The following RIT2 variants were observed in gnomAD, a reference collection of about 807,000 sequenced individuals.
The protein encoded by RIT2 is GTP-binding protein Rit2.
A neutral mutation model predicts 23.7 loss-of-function variants in RIT2; 24 were observed. The ratio of observed to expected loss-of-function variants is 1.01; its 90% CI spans 0.73 to 1.43. The LOEUF (loss-of-function observed/expected upper bound fraction) is 1.43. Ranked by LOEUF, RIT2 falls within the 40% of genes most tolerant of loss-of-function variation. RIT2 has a pLI of 0.00. For missense variants in RIT2, 236 were observed against 266.9 expected, an observed-to-expected ratio of 0.88 and a Z score of 0.81; for synonymous variants, 107 against 91.1, an observed-to-expected ratio of 1.17 and a Z score of -0.99.
intron 4 of RIT2, among the ~76,000 whole-genome samples, chr18:42,780,083 T>G (rs1413550203): frequency 8.6e-6 from 1 of 116,082 alleles, no homozygotes; most frequent in African/African-American, 3.0e-5. Context: ...TTGCCAAGGT[T>G]AGGGATCATG....
At chr18:43,083,927 T>C (rs761362505) in intron 1 of RIT2, among the ~76,000 whole-genome samples, 1 of 152,064 alleles carries the variant, frequency 6.6e-6, no homozygotes, top group Non-Finnish European at 1.5e-5. Context: ...CAAAAGAAAC[T>C]ATCATCAGAG....
chr18:42,844,188 C>T (rs78491737), intron 4 of RIT2, among the ~76,000 whole-genome samples: 1,910 of 152,254 alleles, frequency 0.013, 45 homozygotes, highest in African/African-American at 0.044. Context: ...ATGGGGGTGC[C>T]TGCAACCCCA....
At chr18:42,778,284 T>A (rs1913722073) in intron 4 of RIT2, among the ~76,000 whole-genome samples, 1 of 152,224 alleles carries the variant, frequency 6.6e-6, no homozygotes, top group African/African-American at 2.4e-5. Context: ...ACAGAAAATG[T>A]GGCAGCTCCA....
intron 1 of RIT2, among the ~76,000 whole-genome samples, chr18:43,036,786 T>C (rs905396571): frequency 6.6e-6 from 1 of 152,176 alleles, no homozygotes; most frequent in Non-Finnish European, 1.5e-5. Flanking sequence ...TAAGTTTCTT[T>C]TGTGTTTTAC....
chr18:42,757,717 T>G (rs1013764768), intron 4 of RIT2, among the ~76,000 whole-genome samples: 5 of 152,208 alleles, frequency 3.3e-5, no homozygotes, highest in East Asian at 1.9e-4. Flanking sequence ...TTCTGCTTAT[T>G]ATCAGCCAGT....
chr18:42,935,978 A>G (rs1190642063), intron 3 of RIT2, among the ~76,000 whole-genome samples: 3 of 151,738 alleles, frequency 2.0e-5, no homozygotes, highest in African/African-American at 7.3e-5. Context: ...CGGGCAATCC[A>G]AGGCAGTTTC....
intron 2 of RIT2, among the ~76,000 whole-genome samples, chr18:43,007,157 G>T (rs564363580): frequency 4.6e-5 from 7 of 151,600 alleles, no homozygotes; most frequent in Non-Finnish European, 1.0e-4. Flanking sequence ...TTGATAAAAT[G>T]ATATAGAAGG....
intron 1 of RIT2, among the ~76,000 whole-genome samples, chr18:43,041,842 C>T (rs991107784): frequency 3.3e-5 from 5 of 152,026 alleles, no homozygotes; most frequent in Non-Finnish European, 5.9e-5. Context: ...TATCACCCTC[C>T]TTGGAATGTC....
intron 4 of RIT2, among the ~76,000 whole-genome samples, chr18:42,795,269 G>A (rs142261930): frequency 0.03 from 4,582 of 152,310 alleles, 100 homozygotes; most frequent in Middle Eastern, 0.051. Flanking sequence ...AGCAGGAACC[G>A]GGGCTGCGTG....
intron 4 of RIT2, among the ~76,000 whole-genome samples, chr18:42,816,543 C>G (rs1198616730): frequency 6.6e-6 from 1 of 152,156 alleles, no homozygotes; most frequent in East Asian, 1.9e-4. Flanking sequence ...TTAAGCAAGT[C>G]TGCTCAATTC....
intron 2 of RIT2, among the ~76,000 whole-genome samples, chr18:42,994,735 C>T (rs894934816): frequency 1.3e-5 from 2 of 152,288 alleles, no homozygotes; most frequent in South Asian, 2.1e-4. Context: ...CATGTCTCCA[C>T]GCAGCGGCTG....
At chr18:42,763,477 G>A (rs1359148708) in intron 4 of RIT2, among the ~76,000 whole-genome samples, 2 of 117,218 alleles carry the variant, frequency 1.7e-5, no homozygotes, top group Admixed American at 8.4e-5. Context: ...AAAAAAAAAA[G>A]GTACACCTGT....
intron 3 of RIT2, among the ~76,000 whole-genome samples, chr18:42,965,711 CTTTTTTTTTTTTTTT>C (rs58344278): frequency 7.6e-3 from 286 of 37,772 alleles, no homozygotes; most frequent in African/African-American, 0.023. Flanking sequence ...GTACTGATGG[CTTTTTTTTTTTTTTT>C]TTTTTTTTTT....
intron 3 of RIT2, among the ~76,000 whole-genome samples, chr18:42,952,372 G>C (rs1909872036): frequency 6.6e-6 from 1 of 152,072 alleles, no homozygotes; most frequent in Non-Finnish European, 1.5e-5. Context: ...GTTGCCAGGG[G>C]CTAGAGAGAA....
intron 4 of RIT2, among the ~76,000 whole-genome samples, chr18:42,905,163 A>T (rs1263669284): frequency 6.6e-6 from 1 of 152,194 alleles, no homozygotes; most frequent in Non-Finnish European, 1.5e-5. Context: ...GATTGCTGGT[A>T]ATGCAAAGAA....
chr18:42,934,023 G>GAAAAAAAAAA (rs1353787470), intron 3 of RIT2, among the ~76,000 whole-genome samples: 2 of 33,646 alleles, frequency 5.9e-5, no homozygotes, highest in Non-Finnish European at 1.3e-4. Flanking sequence ...TCTCACAGAA[G>GAAAAAAAAAA]AAAAAAAAAA....
chr18:42,796,496 T>G (rs1905366760), intron 4 of RIT2, among the ~76,000 whole-genome samples: 1 of 151,730 alleles, frequency 6.6e-6, no homozygotes, highest in Non-Finnish European at 1.5e-5. Context: ...GTGCCCAGGG[T>G]TTTACATGGG....
intron 3 of RIT2, among the ~76,000 whole-genome samples, chr18:42,947,857 A>G (rs886873916): frequency 2.6e-5 from 4 of 152,086 alleles, no homozygotes; most frequent in Non-Finnish European, 5.9e-5. Flanking sequence ...GAAGAATAAA[A>G]TGTATATGTT....
chr18:42,877,783 T>G (rs2144073481), intron 4 of RIT2, among the ~76,000 whole-genome samples: 1 of 151,770 alleles, frequency 6.6e-6, no homozygotes, highest in South Asian at 2.1e-4. Context: ...AGTCAAAACT[T>G]TATTTCATGC....
Sources: allele counts gnomAD v4.1 joint callset (sites outside exome capture counted in the v4.1 genomes callset), GRCh38; gene constraint gnomAD v4.1.1; transcripts MANE v1.5; gene names NCBI Gene and HGNC (gene_info 2026-07-23, HGNC 2026-07-21).